Variants in CFAP299 observed in about 807,000 individuals in gnomAD.
The protein encoded by CFAP299 is cilia and flagella associated protein 299.
A neutral mutation model predicts 27.0 loss-of-function variants in CFAP299; 21 were observed. That is an observed-to-expected ratio of 0.78 (90% CI 0.55 to 1.12). CFAP299 has a LOEUF of 1.12. Among genes scored for constraint, CFAP299 ranks in the 50% most tolerant of loss-of-function variants. CFAP299 has a pLI of 0.00. For synonymous variants in CFAP299, 104 were observed against 98.1 expected (o/e 1.06, Z -0.36); for missense variants, 310 against 276.6 (o/e 1.12, Z -0.86).
intron 4 of CFAP299, among the ~76,000 whole-genome samples, chr4:80,920,112 T>C (rs1735972143): frequency 6.6e-6 from 1 of 152,112 alleles, no homozygotes; most frequent in South Asian, 2.1e-4. Context: ...TGTATGCCCC[T>C]TTTCAAAGGT....
intron 2 of CFAP299, among the ~76,000 whole-genome samples, chr4:80,413,474 T>G (rs551667087): frequency 1.3e-5 from 2 of 152,298 alleles, no homozygotes; most frequent in African/African-American, 4.8e-5. Flanking sequence ...TGAAGCCCTA[T>G]TGGTACCTAC....
chr4:80,960,819 G>A (rs1228652676), intron 5 of CFAP299, among the ~76,000 whole-genome samples: 1 of 151,782 alleles, frequency 6.6e-6, no homozygotes, highest in Non-Finnish European at 1.5e-5. Context: ...AGTTTATGTT[G>A]CAACTTCCAA....
intron 3 of CFAP299, among the ~76,000 whole-genome samples, chr4:80,673,140 G>T (rs985584453): frequency 6.6e-6 from 1 of 151,900 alleles, no homozygotes; most frequent in African/African-American, 2.4e-5. Context: ...TTCTCTTGTG[G>T]GCATTTAGTG....
At chr4:80,767,882 A>C (rs1461817648) in intron 3 of CFAP299, among the ~76,000 whole-genome samples, 1 of 152,160 alleles carries the variant, frequency 6.6e-6, no homozygotes, top group African/African-American at 2.4e-5. Flanking sequence ...TCCTTTATCA[A>C]AATAGACTCT....
intron 1 of CFAP299, among the ~76,000 whole-genome samples, chr4:80,349,987 C>T (rs1050339905): frequency 6.6e-5 from 10 of 152,048 alleles, no homozygotes; most frequent in Non-Finnish European, 8.8e-5. Flanking sequence ...ATGCTGAAAT[C>T]CTATTTTAAC....
intron 4 of CFAP299, among the ~76,000 whole-genome samples, chr4:80,925,285 T>A (rs1353064367): frequency 6.6e-6 from 1 of 152,004 alleles, no homozygotes; most frequent in African/African-American, 2.4e-5. Flanking sequence ...GGGTTCATCA[T>A]CATTATTAAT....
chr4:80,730,635 G>C (rs1723466388), intron 3 of CFAP299, among the ~76,000 whole-genome samples: 1 of 152,124 alleles, frequency 6.6e-6, no homozygotes, highest in Non-Finnish European at 1.5e-5. Flanking sequence ...TTGGCCAATG[G>C]CTTGACTACA....
At chr4:80,443,838 G>C (rs1728484725) in intron 2 of CFAP299, among the ~76,000 whole-genome samples, 1 of 152,124 alleles carries the variant, frequency 6.6e-6, no homozygotes, top group Non-Finnish European at 1.5e-5. Flanking sequence ...CAAAGTCTCA[G>C]GATAGAAAGT....
intron 2 of CFAP299, among the ~76,000 whole-genome samples, chr4:80,438,546 T>C (rs1479603603): frequency 6.6e-6 from 1 of 152,250 alleles, no homozygotes; most frequent in African/African-American, 2.4e-5. Flanking sequence ...CTCCACTAAT[T>C]TGAACGTTAC....
At chr4:80,445,909 A>G (rs146937642) in intron 2 of CFAP299, among the ~76,000 whole-genome samples, 130 of 152,310 alleles carry the variant, frequency 8.5e-4, no homozygotes, top group African/African-American at 2.9e-3. Context: ...TTGGCATTGT[A>G]TGCTAAAGAT....
chr4:80,335,515 T>C (rs1219922199), upstream of CFAP299, among the ~76,000 whole-genome samples: 3 of 152,230 alleles, frequency 2.0e-5, no homozygotes, highest in East Asian at 3.9e-4. Flanking sequence ...AGTTTGCACC[T>C]CTCTGGTTGC....
At chr4:80,622,570 T>G (rs766198264) in intron 3 of CFAP299, among the ~76,000 whole-genome samples, 1 of 152,218 alleles carries the variant, frequency 6.6e-6, no homozygotes, top group Non-Finnish European at 1.5e-5. Context: ...TTTATAATTT[T>G]TTATTGTCAA....
At chr4:80,744,275 G>A (rs1724455068) in intron 3 of CFAP299, among the ~76,000 whole-genome samples, 1 of 151,976 alleles carries the variant, frequency 6.6e-6, no homozygotes, top group Non-Finnish European at 1.5e-5. Context: ...GTCTTAGAAA[G>A]ACTCCAAGGA....
chr4:80,662,803 G>C (rs909716016), intron 3 of CFAP299, among the ~76,000 whole-genome samples: 1 of 152,120 alleles, frequency 6.6e-6, no homozygotes, highest in Non-Finnish European at 1.5e-5. Context: ...GAGTAAGCTG[G>C]TCAGGGGCCA....
intron 4 of CFAP299, among the ~76,000 whole-genome samples, chr4:80,879,584 G>T (rs1733586757): frequency 6.6e-6 from 1 of 152,032 alleles, no homozygotes; most frequent in Non-Finnish European, 1.5e-5. Context: ...ATTTTCATTT[G>T]TTTTTAACAC....
intron 2 of CFAP299, among the ~76,000 whole-genome samples, chr4:80,379,005 G>A (rs1333825579): frequency 6.6e-6 from 1 of 151,934 alleles, no homozygotes; most frequent in Non-Finnish European, 1.5e-5. Flanking sequence ...TTGGTAATTT[G>A]TAGAGTTGAT....
At chr4:80,900,160 G>GTC (rs1553904511) in intron 4 of CFAP299, among the ~76,000 whole-genome samples, 2 of 151,088 alleles carry the variant, frequency 1.3e-5, no homozygotes, top group Middle Eastern at 3.4e-3. Flanking sequence ...GTGTGTGTGT[G>GTC]TCTGAGAGAG....
chr4:80,857,642 T>C (rs1203922794), intron 3 of CFAP299, among the ~76,000 whole-genome samples: 3 of 152,232 alleles, frequency 2.0e-5, no homozygotes, highest in African/African-American at 7.2e-5. Context: ...TCAAAGGCCT[T>C]TTCTGCATCT....
In CFAP299 at chr4:80,780,049, T is replaced by G. The variant is rs544224500; in HGVS notation, c.334-89944T>G. Reference sequence around the variant, plus strand: ...AGACTCTGTCATATTTTTTTCATATTCCTACTCTTATTGCCACAATTGTTC... The same window carrying G: ...AGACTCTGTCATATTTTTTTCATATGCCTACTCTTATTGCCACAATTGTTC... On this transcript the variant is annotated intron_variant, in intron 3 of 5. Transcript: ENST00000358105. Among the ~76,000 whole-genome samples the G allele has an allele frequency of 5.3e-5, 8 of 152,128 alleles. No individual in the cohort carries two copies. In the East Asian group the frequency reaches 9.7e-4, roughly 18 times the overall value.
Sources: allele counts gnomAD v4.1 joint callset (sites outside exome capture counted in the v4.1 genomes callset), GRCh38; gene constraint gnomAD v4.1.1; transcripts MANE v1.5; gene names NCBI Gene and HGNC (gene_info 2026-07-23, HGNC 2026-07-21).